ASAP1: variants seen among roughly 807,000 people sequenced by gnomAD.
ASAP1 encodes the protein ArfGAP with SH3 domain, ankyrin repeat and PH domain 1.
In ASAP1, 43 loss-of-function variants were observed where a neutral mutation model predicts 145.2. The ratio of observed to expected loss-of-function variants is 0.30; its 90% CI spans 0.23 to 0.38. The LOEUF is 0.38. ASAP1 is among the 10% of genes least tolerant of loss of function. ASAP1 has a pLI of 1.00. For synonymous variants in ASAP1, 546 were observed against 515.5 expected (o/e 1.06, Z -0.80); for missense variants, 1,018 against 1,355.3 (o/e 0.75, Z 3.91).
intron 16 of ASAP1, among the ~76,000 whole-genome samples, chr8:130,127,167 A>G (rs534397005): frequency 6.0e-4 from 92 of 152,312 alleles, no homozygotes; most frequent in African/African-American, 2.1e-3. Flanking sequence ...GTGGCTGAGT[A>G]GGAAGGAAGG....
At chr8:130,237,135 T>C (rs1476097944) in intron 3 of ASAP1, 141 bp from the exon 4 acceptor site, 1 of 618,406 alleles carries the variant, frequency 1.6e-6, no homozygotes, top group Non-Finnish European at 2.7e-6. Context: ...CAATGAATCA[T>C]ATCAGACTGG....
intron 6 of ASAP1, 113 bp from the exon 7 acceptor site, chr8:130,187,398 T>C (rs1814809161): frequency 1.2e-6 from 1 of 862,942 alleles, no homozygotes; most frequent in African/African-American, 1.7e-5. Context: ...CACTGGGAAC[T>C]TCACTTTATG....
Position 130,054,025 on chromosome 8 carries a change from G to A in ASAP1, c.*706C>T, listed in dbSNP as rs2097398349. On this transcript the variant is annotated 3_prime_UTR_variant, in exon 30 of 30. Transcript: ENST00000518721. ...TTTAAACTTTTGTCAAAATAGTCAT[G>A]AAAGATATGTTATTTTTGCATAATG... 6.6e-6 allele frequency: 1 copy of A among 152,598 alleles called. No homozygotes were observed. The highest frequency in any genetic ancestry group is 1.5e-5 in the Non-Finnish European group (1 of 68,036). The allele number at this position is 152,598 out of a possible 1,614,324, so 9.5% of individuals were successfully genotyped here.
At chr8:130,306,577 T>C (rs916837445) in intron 3 of ASAP1, among the ~76,000 whole-genome samples, 2 of 152,208 alleles carry the variant, frequency 1.3e-5, no homozygotes, top group African/African-American at 4.8e-5. Flanking sequence ...CTCAAACTTT[T>C]TACTGGAGAG....
rs144981279 is a variant in ASAP1, at chr8:130,419,910, C to T, written c.-27-17940G>A. 5.9e-5 allele frequency among the ~76,000 whole-genome samples: 9 copies of T among 151,984 alleles called. No homozygotes were observed. The East Asian group carries it at 1.7e-3, about 29-fold the overall frequency. On this transcript the variant is annotated intron_variant, in intron 1 of 29. Coordinates refer to ENST00000518721, the MANE Select transcript of ASAP1 (RefSeq NM_018482.4). ...CACACACAGGAGCCTTGGGGCTTTG[C>T]TATCCCTGGAGCTTCCCTACATCTG...
At chr8:130,266,156 G>A (rs772579588) in intron 3 of ASAP1, among the ~76,000 whole-genome samples, 4 of 152,174 alleles carry the variant, frequency 2.6e-5, no homozygotes, top group Non-Finnish European at 5.9e-5. Context: ...GTGAACTAGG[G>A]AAGAGAAAAA....
chr8:130,138,451 A>G (rs2097600581), intron 13 of ASAP1, among the ~76,000 whole-genome samples: 1 of 152,190 alleles, frequency 6.6e-6, no homozygotes, highest in Non-Finnish European at 1.5e-5. Context: ...CCAAAGAGGA[A>G]ACAGTGCTTG....
At chr8:130,234,870 G>A (rs1158845145) in intron 4 of ASAP1, among the ~76,000 whole-genome samples, 1 of 152,056 alleles carries the variant, frequency 6.6e-6, no homozygotes, top group East Asian at 1.9e-4. Context: ...TATAAAATCA[G>A]GCTGGTCAAA....
chr8:130,407,607 T>G (rs545405443), intron 1 of ASAP1, among the ~76,000 whole-genome samples: 1 of 152,356 alleles, frequency 6.6e-6, no homozygotes, highest in African/African-American at 2.4e-5. Context: ...ACCTGCCTGC[T>G]AAAGTGAACC....
chr8:130,164,065 G>A (rs75134632), intron 11 of ASAP1, among the ~76,000 whole-genome samples: 2,326 of 152,228 alleles, frequency 0.015, 63 homozygotes, highest in African/African-American at 0.052. Context: ...TCAATGGAGT[G>A]GGCAAAAGAT....
intron 15 of ASAP1, 53 bp from the exon 16 acceptor site, chr8:130,128,143 T>C: frequency 1.8e-6 from 1 of 546,008 alleles, no homozygotes; most frequent in Non-Finnish European, 2.4e-6. Context: ...ATGGTCATTT[T>C]TTTTTTTTTT....
At chr8:130,143,364 T>C (rs1238940780) in intron 13 of ASAP1, among the ~76,000 whole-genome samples, 1 of 150,898 alleles carries the variant, frequency 6.6e-6, no homozygotes, top group Admixed American at 6.6e-5. Flanking sequence ...GCAGCAATAA[T>C]CACTGTTAAT....
At chr8:130,220,065 C>G (rs1213400143) in intron 4 of ASAP1, among the ~76,000 whole-genome samples, 3 of 152,180 alleles carry the variant, frequency 2.0e-5, no homozygotes, top group Admixed American at 2.0e-4. Flanking sequence ...CTAGGATTTA[C>G]AGGTGTAAGC....
At chr8:130,313,347 C>T (rs906697268) in intron 3 of ASAP1, among the ~76,000 whole-genome samples, 2 of 151,964 alleles carry the variant, frequency 1.3e-5, no homozygotes, top group African/African-American at 4.8e-5. Flanking sequence ...TTCTTTTCCT[C>T]ATCTTTGCAG....
chr8:130,184,262 CG>C (rs1814565058), intron 7 of ASAP1, among the ~76,000 whole-genome samples: 1 of 152,114 alleles, frequency 6.6e-6, no homozygotes, highest in Non-Finnish European at 1.5e-5. Flanking sequence ...AACAAGGGTG[CG>C]AAAGTGATGG....
intron 4 of ASAP1, among the ~76,000 whole-genome samples, chr8:130,223,804 T>C (rs952012646): frequency 2.6e-5 from 4 of 152,164 alleles, no homozygotes; most frequent in African/African-American, 9.7e-5. Context: ...CCAAGGTCTT[T>C]ATGCAAGTTC....
At chr8:130,250,877 TAAAATGGTAAATTTGG>T (rs1819154110) in intron 3 of ASAP1, among the ~76,000 whole-genome samples, 1 of 152,168 alleles carries the variant, frequency 6.6e-6, no homozygotes. Flanking sequence ...TTACCATTTG[TAAAATGGTAAATTTGG>T]AAAATACTAC....
intron 14 of ASAP1, among the ~76,000 whole-genome samples, chr8:130,135,454 C>T (rs1226032602): frequency 6.6e-6 from 1 of 152,044 alleles, no homozygotes; most frequent in Non-Finnish European, 1.5e-5. Flanking sequence ...CACTGCACTG[C>T]AGCCTGGGTG....
At chr8:130,099,231 T>C (rs1012436838) in intron 24 of ASAP1, among the ~76,000 whole-genome samples, 1 of 151,044 alleles carries the variant, frequency 6.6e-6, no homozygotes, top group Non-Finnish European at 1.5e-5. Flanking sequence ...CAGGCTGGAG[T>C]GCAGTGGCGA....
Sources: allele counts gnomAD v4.1 joint callset (sites outside exome capture counted in the v4.1 genomes callset), GRCh38; gene constraint gnomAD v4.1.1; transcripts MANE v1.5; gene names NCBI Gene and HGNC (gene_info 2026-07-23, HGNC 2026-07-21).